PRKN: variants seen among roughly 807,000 people sequenced by gnomAD.
PRKN encodes the protein parkin RBR E3 ubiquitin protein ligase.
A neutral mutation model predicts 59.5 loss-of-function variants in PRKN; 56 were observed. That is an observed-to-expected ratio of 0.94 (90% CI 0.76 to 1.18). The LOEUF is 1.18. PRKN is among the 50% of genes most tolerant of loss of function. The probability of loss-of-function intolerance (pLI) is 0.00; values close to 1 mark genes in which losing one functional copy is unlikely to be tolerated. For missense variants in PRKN, 657 were observed against 596.4 expected (o/e 1.10, Z -1.06); for synonymous variants, 250 against 222.1 (o/e 1.13, Z -1.12).
chr6:161,776,787 G>A (rs916425900), intron 7 of PRKN, among the ~76,000 whole-genome samples: 1 of 152,186 alleles, frequency 6.6e-6, no homozygotes, highest in East Asian at 1.9e-4. Flanking sequence ...GGAGCCAATC[G>A]TATCTGGGTT....
chr6:161,807,489 T>A (rs1791383674), intron 6 of PRKN, among the ~76,000 whole-genome samples: 1 of 152,012 alleles, frequency 6.6e-6, no homozygotes, highest in Non-Finnish European at 1.5e-5. Flanking sequence ...ACCAGGCAAC[T>A]AAAAAAACAC....
intron 1 of PRKN, among the ~76,000 whole-genome samples, chr6:162,724,699 T>C (rs1297945118): frequency 1.3e-5 from 2 of 152,240 alleles, no homozygotes; most frequent in African/African-American, 2.4e-5. Flanking sequence ...TATTATCTAA[T>C]ATGCTCTGGA....
intron 6 of PRKN, among the ~76,000 whole-genome samples, chr6:161,883,656 AT>A (rs909073933): frequency 6.6e-6 from 1 of 151,702 alleles, no homozygotes; most frequent in Non-Finnish European, 1.5e-5. Flanking sequence ...TTTTATTTTT[AT>A]TTTTTTTATT....
At chr6:161,664,221 A>C (rs1784647345) in intron 7 of PRKN, among the ~76,000 whole-genome samples, 1 of 152,192 alleles carries the variant, frequency 6.6e-6, no homozygotes, top group African/African-American at 2.4e-5. Flanking sequence ...CCAACAGACG[A>C]GCACTTTTCA....
intron 4 of PRKN, among the ~76,000 whole-genome samples, chr6:162,087,656 C>T (rs910236380): frequency 2.7e-5 from 4 of 145,534 alleles, no homozygotes; most frequent in Admixed American, 7.1e-5. Context: ...TGCAGTGGCG[C>T]GATCTCGGCT....
chr6:161,675,719 C>T (rs2128170466), intron 7 of PRKN, among the ~76,000 whole-genome samples: 1 of 152,266 alleles, frequency 6.6e-6, no homozygotes, highest in Admixed American at 6.5e-5. Context: ...CTTATTTCTT[C>T]CTTTACATCA....
chr6:161,682,235 G>A (rs1223141565), intron 7 of PRKN, among the ~76,000 whole-genome samples: 1 of 152,204 alleles, frequency 6.6e-6, no homozygotes, highest in Admixed American at 6.5e-5. Flanking sequence ...CACAGGTGTG[G>A]AAAAGGGCAA....
chr6:161,797,059 C>T (rs1046773185), intron 6 of PRKN, among the ~76,000 whole-genome samples: 4 of 152,102 alleles, frequency 2.6e-5, no homozygotes, highest in Non-Finnish European at 2.9e-5. Flanking sequence ...AAGAATCAGT[C>T]CAGTGGCCAT....
At chr6:162,621,779 CTGTTT>C (rs749468407) in intron 1 of PRKN, among the ~76,000 whole-genome samples, 21 of 152,046 alleles carry the variant, frequency 1.4e-4, no homozygotes, top group Non-Finnish European at 1.8e-4. Flanking sequence ...CCTTATCTTT[CTGTTT>C]TAAGTGTTCA....
chr6:161,505,224 G>T (rs1460540302), intron 9 of PRKN, among the ~76,000 whole-genome samples: 1 of 152,178 alleles, frequency 6.6e-6, no homozygotes, highest in Non-Finnish European at 1.5e-5. Flanking sequence ...ATTCTAACTG[G>T]TGTGAGATGA....
intron 1 of PRKN, among the ~76,000 whole-genome samples, chr6:162,552,223 A>G (rs990179219): frequency 6.6e-6 from 1 of 152,154 alleles, no homozygotes; most frequent in Non-Finnish European, 1.5e-5. Context: ...AAAGACAGAG[A>G]CCAGGCCAGT....
chr6:161,938,891 T>C (rs1334213488), intron 6 of PRKN, among the ~76,000 whole-genome samples: 4 of 152,232 alleles, frequency 2.6e-5, no homozygotes, highest in African/African-American at 4.8e-5. Flanking sequence ...AGAGATGACT[T>C]CCCTTTGCAA....
intron 1 of PRKN, among the ~76,000 whole-genome samples, chr6:162,540,494 C>A (rs1341495500): frequency 6.6e-6 from 1 of 152,090 alleles, no homozygotes; most frequent in East Asian, 1.9e-4. Flanking sequence ...AACTCAGTTT[C>A]CCCAAGTTAA....
intron 7 of PRKN, among the ~76,000 whole-genome samples, chr6:161,705,870 C>T (rs7769896): frequency 0.011 from 1,648 of 152,214 alleles, 29 homozygotes; most frequent in African/African-American, 0.038. Context: ...AGCTTCTACT[C>T]CATTGTCAGA....
intron 7 of PRKN, among the ~76,000 whole-genome samples, chr6:161,754,978 C>T (rs1298845122): frequency 6.6e-6 from 1 of 152,138 alleles, no homozygotes; most frequent in Non-Finnish European, 1.5e-5. Context: ...TCCCAGGGTG[C>T]CAGTATCCAG....
intron 6 of PRKN, among the ~76,000 whole-genome samples, chr6:161,881,962 C>G (rs561576780): frequency 1.4e-4 from 21 of 152,280 alleles, no homozygotes; most frequent in Admixed American, 1.2e-3. Flanking sequence ...ACTGCCACCA[C>G]TGCCCATCCC....
chr6:162,159,160 T>C (rs1224957898), intron 4 of PRKN, among the ~76,000 whole-genome samples: 1 of 150,888 alleles, frequency 6.6e-6, no homozygotes, highest in Non-Finnish European at 1.5e-5. Flanking sequence ...CCTATCTCTA[T>C]CTATTAAATT....
At chr6:162,173,219 C>T (rs567487563) in intron 4 of PRKN, among the ~76,000 whole-genome samples, 44 of 152,342 alleles carry the variant, frequency 2.9e-4, no homozygotes, top group African/African-American at 1.0e-3. Flanking sequence ...AAACTGACCT[C>T]TAGTGGCCTG....
intron 4 of PRKN, among the ~76,000 whole-genome samples, chr6:162,172,387 T>C (rs578096653): frequency 3.9e-5 from 6 of 152,290 alleles, no homozygotes; most frequent in South Asian, 2.1e-4. Flanking sequence ...TGATGTTCCA[T>C]TGTTTCGCAT....
Sources: gnomAD v4.1 joint callset for allele counts (sites outside exome capture counted in the v4.1 genomes callset) on GRCh38, gnomAD v4.1.1 for gene constraint, MANE v1.5 for transcripts, NCBI Gene and HGNC (gene_info 2026-07-23, HGNC 2026-07-21) for gene names.